VRK2: variants seen among roughly 807,000 people sequenced by gnomAD.
VRK2 encodes the protein serine/threonine-protein kinase VRK2.
A neutral mutation model predicts 57.6 loss-of-function variants in VRK2; 60 were observed. The observed-to-expected ratio is 1.04, with a 90% confidence interval of 0.85 to 1.29. VRK2 has a LOEUF of 1.29. VRK2 is among the 50% of genes most tolerant of loss of function. The pLI is 0.00. For missense variants in VRK2, 705 were observed against 588.1 expected, an observed-to-expected ratio of 1.20 and a Z score of -2.06; for synonymous variants, 231 against 199.2, an observed-to-expected ratio of 1.16 and a Z score of -1.35.
intron 1 of VRK2, among the ~76,000 whole-genome samples, chr2:57,964,879 C>CAAAAA (rs540446220): frequency 4.2e-5 from 2 of 47,866 alleles, no homozygotes; most frequent in Non-Finnish European, 7.3e-5. Flanking sequence ...GAATCCATCT[C>CAAAAA]AAAAAAAAAA....
chr2:58,159,024 C>T (rs1684552022), intron 12 of VRK2, among the ~76,000 whole-genome samples: 1 of 152,002 alleles, frequency 6.6e-6, no homozygotes, highest in Non-Finnish European at 1.5e-5. Context: ...AGATTAAGCC[C>T]AATTTTTTGG....
At chr2:57,921,927 G>C (rs1359302627) in intron 1 of VRK2, among the ~76,000 whole-genome samples, 2 of 152,030 alleles carry the variant, frequency 1.3e-5, no homozygotes, top group African/African-American at 4.8e-5. Flanking sequence ...GCCATCTGCT[G>C]ATCCAATTAC....
intron 2 of VRK2, among the ~76,000 whole-genome samples, chr2:58,071,355 TA>T (rs1669337245): frequency 6.6e-6 from 1 of 152,070 alleles, no homozygotes; most frequent in African/African-American, 2.4e-5. Context: ...CTTTTGGTAT[TA>T]TATCTGTAAA....
chr2:58,022,613 C>G (rs1156512179), intron 1 of VRK2, among the ~76,000 whole-genome samples: 1 of 152,222 alleles, frequency 6.6e-6, no homozygotes, highest in African/African-American at 2.4e-5. Context: ...CGATGGCTCA[C>G]GCCTGCAACC....
intron 1 of VRK2, among the ~76,000 whole-genome samples, chr2:57,995,470 A>C (rs1438081287): frequency 1.3e-5 from 2 of 152,226 alleles, no homozygotes; most frequent in African/African-American, 4.8e-5. Context: ...TCCTTGAAGC[A>C]ATAGTTTCAT....
chr2:58,148,450 C>T (rs975609128), intron 12 of VRK2, among the ~76,000 whole-genome samples: 1 of 151,742 alleles, frequency 6.6e-6, no homozygotes. Flanking sequence ...TGCGGCCTGC[C>T]TAATCATTTA....
intron 2 of VRK2, among the ~76,000 whole-genome samples, chr2:58,065,920 T>C (rs528328898): frequency 1.1e-4 from 16 of 152,128 alleles, no homozygotes; most frequent in Non-Finnish European, 2.2e-4. Flanking sequence ...AGTAGTATAT[T>C]AGTAGTATGT....
At chr2:57,941,428 C>T (rs1326963874) in intron 1 of VRK2, among the ~76,000 whole-genome samples, 2 of 152,122 alleles carry the variant, frequency 1.3e-5, no homozygotes, top group African/African-American at 2.4e-5. Flanking sequence ...TAATAAAAAA[C>T]ACCCTTGCTT....
At chr2:58,136,791 T>C (rs1255190502) in intron 10 of VRK2, among the ~76,000 whole-genome samples, 2 of 146,430 alleles carry the variant, frequency 1.4e-5, no homozygotes, top group Non-Finnish European at 3.0e-5. Context: ...TGTGTATATA[T>C]ATCATATATA....
At chr2:57,958,076 T>A (rs1431338567) in intron 1 of VRK2, among the ~76,000 whole-genome samples, 1 of 152,120 alleles carries the variant, frequency 6.6e-6, no homozygotes, top group Non-Finnish European at 1.5e-5. Context: ...ACTCAGGCAT[T>A]GACACACATC....
chr2:58,157,216 G>T (rs1684017302), intron 12 of VRK2, among the ~76,000 whole-genome samples: 1 of 152,068 alleles, frequency 6.6e-6, no homozygotes, highest in African/African-American at 2.4e-5. Context: ...GGGAAGTCTG[G>T]TATCAGATTT....
At chr2:58,071,531 AT>A (rs1283136615) in intron 2 of VRK2, among the ~76,000 whole-genome samples, 1 of 152,024 alleles carries the variant, frequency 6.6e-6, no homozygotes, top group Non-Finnish European at 1.5e-5. Flanking sequence ...TCCTAGTACC[AT>A]TTACTGAAAA....
chr2:57,971,233 C>T (rs941452712), intron 1 of VRK2, among the ~76,000 whole-genome samples: 1 of 151,938 alleles, frequency 6.6e-6, no homozygotes, highest in Admixed American at 6.6e-5. Flanking sequence ...CTTGCAAGAG[C>T]CCTCTCCTAG....
At chr2:57,989,146 A>G (rs1252076886) in intron 1 of VRK2, among the ~76,000 whole-genome samples, 1 of 152,032 alleles carries the variant, frequency 6.6e-6, no homozygotes, top group African/African-American at 2.4e-5. Flanking sequence ...AGGGTCTGAG[A>G]CCCCCATGAA....
chr2:58,093,722 G>A (rs1445442629), intron 7 of VRK2, among the ~76,000 whole-genome samples: 24 of 152,154 alleles, frequency 1.6e-4, no homozygotes, highest in Non-Finnish European at 3.2e-4. Context: ...TGGTGTTTTA[G>A]TCATGAAGTC....
chr2:57,962,466 A>C (rs1346961210), intron 1 of VRK2, among the ~76,000 whole-genome samples: 1 of 151,880 alleles, frequency 6.6e-6, no homozygotes, highest in African/African-American at 2.4e-5. Flanking sequence ...CAAGTTTGTT[A>C]TATAGGTAAA....
At chr2:58,157,454 T>A (rs1256751427) in intron 12 of VRK2, among the ~76,000 whole-genome samples, 1 of 152,176 alleles carries the variant, frequency 6.6e-6, no homozygotes, top group African/African-American at 2.4e-5. Flanking sequence ...TCCTCCTAGC[T>A]GTAACAACCC....
At chr2:57,959,070 C>A (rs1284210650) in intron 1 of VRK2, among the ~76,000 whole-genome samples, 2 of 152,158 alleles carry the variant, frequency 1.3e-5, no homozygotes, top group African/African-American at 4.8e-5. Flanking sequence ...GGGTCGTTGC[C>A]ATTCATCCTA....
At chr2:57,967,508 A>G (rs1391933891) in intron 1 of VRK2, among the ~76,000 whole-genome samples, 1 of 152,132 alleles carries the variant, frequency 6.6e-6, no homozygotes, top group Non-Finnish European at 1.5e-5. Flanking sequence ...GGGGGGAAAA[A>G]GCTATTTTTC....
Sources: allele counts gnomAD v4.1 joint callset (sites outside exome capture counted in the v4.1 genomes callset), GRCh38; gene constraint gnomAD v4.1.1; transcripts MANE v1.5; gene names NCBI Gene and HGNC (gene_info 2026-07-23, HGNC 2026-07-21).